NRG1: variants seen among roughly 807,000 people sequenced by gnomAD.
The protein encoded by NRG1 is neuregulin 1.
In NRG1, 18 loss-of-function variants were observed where a neutral mutation model predicts 63.8. The observed-to-expected ratio is 0.28, with a 90% CI of 0.19 to 0.42. NRG1 has a LOEUF of 0.42. Among genes scored for constraint, NRG1 ranks in the 10% least tolerant of loss-of-function variants. The pLI is 1.00. For missense variants in NRG1, 762 were observed against 814.7 expected (o/e 0.94, Z 0.79); for synonymous variants, 302 against 301.3 (o/e 1.00, Z -0.02).
intron 1 of NRG1, among the ~76,000 whole-genome samples, chr8:31,969,211 A>G (rs149545406): frequency 2.6e-5 from 4 of 152,310 alleles, no homozygotes; most frequent in African/African-American, 9.6e-5. Context: ...CATATCGCAG[A>G]TGAAAGTACT....
chr8:32,507,191 A>G (rs1307930183), intron 1 of NRG1, among the ~76,000 whole-genome samples: 1 of 152,178 alleles, frequency 6.6e-6, no homozygotes, highest in African/African-American at 2.4e-5. Context: ...CATGCCTCTT[A>G]CTAAATAGTT....
chr8:31,715,355 A>C (rs1486542365), intron 1 of NRG1, among the ~76,000 whole-genome samples: 2 of 152,172 alleles, frequency 1.3e-5, no homozygotes, highest in African/African-American at 4.8e-5. Context: ...AATTGAGATA[A>C]ATGATCCATG....
At chr8:32,653,237 A>G (rs1414235125) in intron 5 of NRG1, among the ~76,000 whole-genome samples, 3 of 152,220 alleles carry the variant, frequency 2.0e-5, no homozygotes, top group Non-Finnish European at 4.4e-5. Flanking sequence ...GGAAAACAGT[A>G]GAGTGCCTGC....
At chr8:31,950,907 G>A (rs551242223) in intron 1 of NRG1, among the ~76,000 whole-genome samples, 1 of 152,286 alleles carries the variant, frequency 6.6e-6, no homozygotes, top group African/African-American at 2.4e-5. Flanking sequence ...AATATAAAGA[G>A]AGGACACTGT....
chr8:32,720,507 G>A (rs549821636), intron 5 of NRG1, among the ~76,000 whole-genome samples: 26 of 152,192 alleles, frequency 1.7e-4, no homozygotes, highest in African/African-American at 5.1e-4. Context: ...TGTGGACTCC[G>A]GCTATGGAAA....
At position 32,344,396 on chromosome 8, in the gene NRG1, T is replaced by TTCTTTCTTTA. The variant is rs1586940025; in HGVS notation, c.38-251431_38-251430insCTTTCTTTAT. ...TTTCTTTCTTTCTCTTTCTTTCTTT[T>TTCTTTCTTTA]TTGTGCATGCATGCGTGCATGCATG... On this transcript the variant is annotated intron_variant, in intron 1 of 10. Coordinates refer to the NRG1 transcript ENST00000519301. Among the ~76,000 whole-genome samples the TTCTTTCTTTA allele has an allele frequency of 3.7e-5, 2 of 53,704 alleles. 1 individual carries two copies. The highest frequency in any genetic ancestry group is 8.6e-5 in the Non-Finnish European group (2 of 23,344). 35.2% of individuals were successfully genotyped at this position (53,704 alleles called of 152,430 possible).
intron 1 of NRG1, among the ~76,000 whole-genome samples, chr8:32,412,423 C>CATATATATATATATAGATATATATACAT (rs1815131366): frequency 1.1e-5 from 1 of 93,022 alleles, no homozygotes; most frequent in Non-Finnish European, 2.1e-5. Flanking sequence ...TCTCTCTCTA[C>CATATATATATATATAGATATATATACAT]ATATATATAT....
At chr8:32,710,451 C>G (rs1817532651) in intron 5 of NRG1, among the ~76,000 whole-genome samples, 1 of 152,084 alleles carries the variant, frequency 6.6e-6, no homozygotes, top group Non-Finnish European at 1.5e-5. Flanking sequence ...TTTAGCATTT[C>G]ATTTGGAATA....
At chr8:32,197,868 C>A (rs77906137) in intron 1 of NRG1, among the ~76,000 whole-genome samples, 10,238 of 152,256 alleles carry the variant, frequency 0.067, 661 homozygotes, top group African/African-American at 0.17. Context: ...AAATGCTTGT[C>A]CTACTGCCTG....
At chr8:31,975,227 G>A (rs1424388566) in intron 1 of NRG1, among the ~76,000 whole-genome samples, 1 of 152,164 alleles carries the variant, frequency 6.6e-6, no homozygotes. Flanking sequence ...GTTCGGAGAG[G>A]TGGGGTAAGT....
intron 1 of NRG1, among the ~76,000 whole-genome samples, chr8:31,787,461 A>C (rs899944012): frequency 2.0e-5 from 3 of 152,168 alleles, no homozygotes; most frequent in East Asian, 3.9e-4. Flanking sequence ...CACACAACTG[A>C]AGTTGGATTT....
At chr8:32,291,826 T>A (rs1343959665) in intron 1 of NRG1, among the ~76,000 whole-genome samples, 1 of 152,166 alleles carries the variant, frequency 6.6e-6, no homozygotes, top group Non-Finnish European at 1.5e-5. Flanking sequence ...ATTATTGCTA[T>A]CCACTCTTGA....
chr8:31,921,403 C>G (rs1833903268), intron 1 of NRG1, among the ~76,000 whole-genome samples: 1 of 152,102 alleles, frequency 6.6e-6, no homozygotes, highest in African/African-American at 2.4e-5. Context: ...TTCGTAATCA[C>G]ACACAAGCAA....
At chr8:31,907,415 G>T (rs1832615302) in intron 1 of NRG1, among the ~76,000 whole-genome samples, 1 of 150,626 alleles carries the variant, frequency 6.6e-6, no homozygotes. Context: ...TGTTTTTGCA[G>T]GCTTTTTACA....
rs77486464 is a variant in NRG1 at position 31,863,113 on chromosome 8, A to G, written c.37+223682A>G. Among the ~76,000 whole-genome samples, 500 of 152,118 alleles carry G rather than the reference A, an allele frequency of 3.3e-3. 3 individuals are homozygous for G. Among genetic ancestry groups the G allele is most frequent in the African/African-American group, 0.011 (475 of 41,400 alleles). ...TTCCTGACTGATTCTCCAACTATCAATCTGCTTGTAAGCACATTCACACCA... is the reference window on the plus strand; with the variant it reads ...TTCCTGACTGATTCTCCAACTATCAGTCTGCTTGTAAGCACATTCACACCA... On this transcript the variant is annotated intron_variant, in intron 1 of 10. Coordinates refer to the NRG1 transcript ENST00000519301.
intron 1 of NRG1, among the ~76,000 whole-genome samples, chr8:31,789,636 C>A (rs1220715881): frequency 1.3e-5 from 2 of 152,150 alleles, no homozygotes; most frequent in Non-Finnish European, 2.9e-5. Context: ...AAGTTTGTAA[C>A]TTCAGTGTGA....
chr8:32,157,716 CTATA>C (rs1163808468), intron 1 of NRG1, among the ~76,000 whole-genome samples: 2 of 149,442 alleles, frequency 1.3e-5, no homozygotes, highest in African/African-American at 4.9e-5. Context: ...ATATACATAT[CTATA>C]TATAGAGAGA....
chr8:31,829,443 A>G (rs181909677), intron 1 of NRG1, among the ~76,000 whole-genome samples: 48 of 152,350 alleles, frequency 3.2e-4, no homozygotes, highest in African/African-American at 8.7e-4. Context: ...GCAACTGGAC[A>G]TTACATAGCA....
At chr8:31,837,591 T>A (rs1825795490) in intron 1 of NRG1, among the ~76,000 whole-genome samples, 1 of 151,970 alleles carries the variant, frequency 6.6e-6, no homozygotes. Context: ...ACTTATTCCT[T>A]TCTATGTAAC....
Sources: allele counts gnomAD v4.1 joint callset (sites outside exome capture counted in the v4.1 genomes callset), GRCh38; gene constraint gnomAD v4.1.1; transcripts MANE v1.5; gene names NCBI Gene and HGNC (gene_info 2026-07-23, HGNC 2026-07-21).